RBMS3: variants seen among roughly 807,000 people sequenced by gnomAD.
The protein encoded by RBMS3 is RNA-binding motif, single-stranded-interacting protein 3.
A neutral mutation model predicts 66.8 loss-of-function variants in RBMS3; 27 were observed. The ratio of observed to expected loss-of-function variants is 0.40; its 90% CI spans 0.30 to 0.56. The LOEUF (loss-of-function observed/expected upper bound fraction) is 0.56, where lower values mean the gene tolerates loss of function less well. Among genes scored for constraint, RBMS3 ranks in the 20% least tolerant of loss-of-function variants. The pLI, the probability that RBMS3 is intolerant of heterozygous loss-of-function variation, is 0.40. For synonymous variants in RBMS3, 188 were observed against 183.0 expected (o/e 1.03, Z -0.22); for missense variants, 513 against 549.5 (o/e 0.93, Z 0.66).
chr3:29,533,363 T>A (rs1363668773), intron 3 of RBMS3, among the ~76,000 whole-genome samples: 10 of 152,156 alleles, frequency 6.6e-5, no homozygotes, highest in Admixed American at 6.5e-4. Context: ...ATGCCCTTAG[T>A]CTCAGCTACT....
intron 4 of RBMS3, among the ~76,000 whole-genome samples, chr3:29,707,656 A>C (rs574856327): frequency 2.6e-5 from 4 of 152,340 alleles, no homozygotes; most frequent in African/African-American, 9.6e-5. Context: ...TCAAAACCAC[A>C]AAAGGCCAAG....
chr3:29,826,949 C>A (rs2058227143), intron 6 of RBMS3, among the ~76,000 whole-genome samples: 1 of 152,260 alleles, frequency 6.6e-6, no homozygotes, highest in Middle Eastern at 3.4e-3. Flanking sequence ...CACACACACA[C>A]ATCTTTACCA....
chr3:29,479,207 G>A (rs2043050508), intron 2 of RBMS3, among the ~76,000 whole-genome samples: 1 of 151,928 alleles, frequency 6.6e-6, no homozygotes, highest in Admixed American at 6.6e-5. Context: ...AACTAATTAT[G>A]TAGGCATGAG....
chr3:29,836,714 C>T (rs2058517158), intron 6 of RBMS3, among the ~76,000 whole-genome samples: 1 of 151,750 alleles, frequency 6.6e-6, no homozygotes, highest in East Asian at 1.9e-4. Context: ...CCTTACAACA[C>T]ACACAATAAA....
rs1305931074 is a variant in RBMS3 at position 29,281,659 on chromosome 3, T to C, written c.-23T>C. On this transcript the variant is annotated 5_prime_UTR_variant, in exon 1 of 15. Transcript: ENST00000383767. ...ATACCCTGTCATCCAGTTCCCTGCC[T>C]CGGAGATAAAGATTCCAGCTACATG... 1 of 1,606,014 alleles carries C rather than the reference T, an allele frequency of 6.2e-7. No homozygotes were observed. The highest frequency in any genetic ancestry group is 1.3e-5 in the African/African-American group (1 of 74,724).
At position 29,928,287 on chromosome 3, in the gene RBMS3, A is replaced by G. The variant is rs1396704361; in HGVS notation, c.940-7799A>G. ...ACATATTGTTTTTAAGGTAGAAAAAATTAGGAACTAATCTCAATATTTCAA... is the reference window on the plus strand; with the variant it reads ...ACATATTGTTTTTAAGGTAGAAAAAGTTAGGAACTAATCTCAATATTTCAA... On this transcript the variant is annotated intron_variant, in intron 10 of 14. Coordinates refer to ENST00000383767, the MANE Select transcript of RBMS3 (RefSeq NM_001003793.3). 2.0e-5 allele frequency among the ~76,000 whole-genome samples: 3 copies of G among 149,518 alleles called. No individual in the cohort carries two copies. In the South Asian group the frequency reaches 6.3e-4, roughly 31 times the overall value.
chr3:29,342,107 T>C (rs1208092992), intron 1 of RBMS3, among the ~76,000 whole-genome samples: 1 of 152,172 alleles, frequency 6.6e-6, no homozygotes, highest in Non-Finnish European at 1.5e-5. Context: ...GATAAGGAGA[T>C]ATATTTTTGA....
chr3:29,699,228 G>A (rs986871606), intron 4 of RBMS3, among the ~76,000 whole-genome samples: 22 of 152,146 alleles, frequency 1.4e-4, no homozygotes, highest in Non-Finnish European at 1.0e-4. Context: ...TCAGCTCACT[G>A]CAACTCCGCT....
At chr3:29,862,254 A>G (rs1455651263) in intron 6 of RBMS3, among the ~76,000 whole-genome samples, 4 of 152,194 alleles carry the variant, frequency 2.6e-5, no homozygotes, top group Non-Finnish European at 5.9e-5. Flanking sequence ...CGGGCCCAAG[A>G]GTCTACATTT....
intron 1 of RBMS3, among the ~76,000 whole-genome samples, chr3:29,377,144 TGCTAAAGTCA>T (rs2038519647): frequency 6.6e-6 from 1 of 152,138 alleles, no homozygotes; most frequent in South Asian, 2.1e-4. Flanking sequence ...TAATGCTATT[TGCTAAAGTCA>T]GCCTCTTTAT....
intron 4 of RBMS3, among the ~76,000 whole-genome samples, chr3:29,640,255 TACACAC>T (rs34719305): frequency 4.9e-4 from 69 of 140,122 alleles, no homozygotes; most frequent in African/African-American, 1.5e-3. Flanking sequence ...ACATTTTGGT[TACACAC>T]ACACACACAC....
intron 4 of RBMS3, among the ~76,000 whole-genome samples, chr3:29,734,834 T>C (rs962942956): frequency 6.6e-6 from 1 of 152,156 alleles, no homozygotes; most frequent in Non-Finnish European, 1.5e-5. Context: ...GCATTTTGCA[T>C]ATCCTTTTAT....
chr3:29,833,459 G>T (rs191300937), intron 6 of RBMS3, among the ~76,000 whole-genome samples: 1 of 152,086 alleles, frequency 6.6e-6, no homozygotes, highest in African/African-American at 2.4e-5. Context: ...AAATACACGA[G>T]CAAAATAAAA....
chr3:29,537,192 G>C (rs967785725), intron 3 of RBMS3, among the ~76,000 whole-genome samples: 19 of 150,386 alleles, frequency 1.3e-4, no homozygotes, highest in African/African-American at 4.6e-4. Context: ...TGACACATGA[G>C]GGAAAGTAGT....
rs2043534293 is a variant in RBMS3, at chr3:29,491,302, A to T, written c.307+2803A>T. ...TTTAATTTTCTGTTTCTGTAGAGAG[A>T]TTCCTAAAATCAGTGGAAACAGGGC... On this transcript the variant is annotated intron_variant, in intron 3 of 14. Coordinates refer to ENST00000383767, the MANE Select transcript of RBMS3 (RefSeq NM_001003793.3). Among the ~76,000 whole-genome samples, 5 of 152,168 alleles carry T rather than the reference A, an allele frequency of 3.3e-5. No individual in the cohort carries two copies. In the South Asian group the frequency reaches 1.0e-3, roughly 31 times the overall value.
intron 3 of RBMS3, among the ~76,000 whole-genome samples, chr3:29,505,908 T>C (rs2148946145): frequency 6.6e-6 from 1 of 151,018 alleles, no homozygotes; most frequent in African/African-American, 2.4e-5. Flanking sequence ...TATATTACTA[T>C]ATTGTATGTT....
intron 5 of RBMS3, 27 bp from the exon 6 acceptor site, chr3:29,762,883 G>T: frequency 1.4e-6 from 2 of 1,434,144 alleles, no homozygotes; most frequent in Non-Finnish European, 2.0e-6. Context: ...AACCATATAT[G>T]ACCTCTGGTT....
At chr3:29,366,944 A>G (rs1185897165) in intron 1 of RBMS3, among the ~76,000 whole-genome samples, 1 of 152,204 alleles carries the variant, frequency 6.6e-6, no homozygotes, top group Non-Finnish European at 1.5e-5. Context: ...CAAAACAATT[A>G]TAAAGGCTGA....
chr3:29,760,260 C>G lies in RBMS3; in HGVS notation c.558-2650C>G, dbSNP rs529378335. 6.4e-3 allele frequency among the ~76,000 whole-genome samples: 960 copies of G among 150,128 alleles called. 19 individuals are homozygous for G. Among genetic ancestry groups the G allele is most frequent in the Admixed American group, 0.036 (538 of 15,032 alleles). On this transcript the variant is annotated intron_variant, in intron 5 of 14. Transcript: ENST00000383767. Reference sequence around the variant, plus strand: ...ATGTATTATGTAGAATAAACACACACACACACACATACACACACACACCCC... The same window carrying G: ...ATGTATTATGTAGAATAAACACACAGACACACACATACACACACACACCCC...
Sources: gnomAD v4.1 joint callset for allele counts (sites outside exome capture counted in the v4.1 genomes callset) on GRCh38, gnomAD v4.1.1 for gene constraint, MANE v1.5 for transcripts, NCBI Gene and HGNC (gene_info 2026-07-23, HGNC 2026-07-21) for gene names.